The following SDAD1 variants were observed in gnomAD, a reference collection of about 807,000 sequenced individuals.
The protein encoded by SDAD1 is SDA1 domain containing 1.
In SDAD1, 79 loss-of-function variants were observed where a neutral mutation model predicts 100.3. That is an observed-to-expected ratio of 0.79 (90% CI 0.66 to 0.95). The LOEUF (loss-of-function observed/expected upper bound fraction) is 0.95, where lower values mean the gene tolerates loss of function less well. SDAD1 is among the 40% of genes least tolerant of loss of function. The pLI is 0.00. For missense variants in SDAD1, 790 were observed against 810.9 expected (o/e 0.97, Z 0.31); for synonymous variants, 267 against 271.4 (o/e 0.98, Z 0.16).
At chr4:75,958,009 G>T in intron 17 of SDAD1, 68 bp from the exon 18 acceptor site, 1 of 1,253,472 alleles carries the variant, frequency 8.0e-7, no homozygotes, top group South Asian at 1.2e-5. Context: ...TTGAGATGAA[G>T]CAAGCAACAG....
intron 21 of SDAD1, among the ~76,000 whole-genome samples, chr4:75,951,076 C>G (rs562182325): frequency 6.6e-6 from 1 of 151,962 alleles, no homozygotes; most frequent in Admixed American, 6.6e-5. Flanking sequence ...ATTTATTATC[C>G]CTGTCTCCAG....
chr4:75,976,903 T>G (rs1043729539), intron 4 of SDAD1, among the ~76,000 whole-genome samples: 2 of 152,220 alleles, frequency 1.3e-5, no homozygotes, highest in African/African-American at 4.8e-5. Flanking sequence ...TGGTAGTCTC[T>G]TAATACTTTG....
intron 17 of SDAD1, among the ~76,000 whole-genome samples, chr4:75,958,198 G>A (rs573765496): frequency 2.0e-5 from 3 of 152,094 alleles, no homozygotes; most frequent in Non-Finnish European, 4.4e-5. Flanking sequence ...CAAAGAAAAG[G>A]AACAGATGCT....
At chr4:75,985,906 C>A (rs1034847017) in intron 1 of SDAD1, among the ~76,000 whole-genome samples, 2 of 152,154 alleles carry the variant, frequency 1.3e-5, no homozygotes, top group South Asian at 2.1e-4. Context: ...ACCTAAGTAA[C>A]CCCCACGCCA....
intron 3 of SDAD1, among the ~76,000 whole-genome samples, chr4:75,978,978 C>A (rs60118113): frequency 3.6e-5 from 1 of 27,768 alleles, no homozygotes; most frequent in Non-Finnish European, 6.6e-5. Flanking sequence ...CAGACCCTGT[C>A]TCAGAAAAAA....
intron 1 of SDAD1, among the ~76,000 whole-genome samples, chr4:75,983,577 G>A (rs1339864471): frequency 3.3e-5 from 5 of 152,008 alleles, no homozygotes; most frequent in Admixed American, 2.0e-4. Flanking sequence ...TTTGTTGGCC[G>A]CATAAATGTC....
rs535065846 is a variant in SDAD1, at chr4:75,955,093, CTG to C, written c.2016+880_2016+881del. Among the ~76,000 whole-genome samples the C allele has an allele frequency of 4.1e-4, 62 of 152,264 alleles. 1 individual carries two copies. The South Asian group carries it at 0.013, about 31-fold the overall frequency. Reference sequence around the variant, plus strand: ...TTGCTAAACGTAGGTTATGGATAGACTGTGTTTCTGTTTTAAGGCTCTGTTAG... The same window carrying C: ...TTGCTAAACGTAGGTTATGGATAGACTGTTTCTGTTTTAAGGCTCTGTTAG... On this transcript the variant is annotated intron_variant, in intron 21 of 21. Transcript: ENST00000356260.
At chr4:75,964,073 A>G in intron 14 of SDAD1, 62 bp downstream of exon 14, 1 of 1,082,156 alleles carries the variant, frequency 9.2e-7, no homozygotes, top group Non-Finnish European at 1.4e-6. Context: ...CATCTTGGTA[A>G]CTTATAGCAA....
At chr4:75,974,028 G>A in intron 7 of SDAD1, 48 bp downstream of exon 7, 1 of 1,517,564 alleles carries the variant, frequency 6.6e-7, no homozygotes. Flanking sequence ...GCATGCAGAA[G>A]CAGACCATCC....
intron 15 of SDAD1, 40 bp downstream of exon 15, chr4:75,961,171 A>G: frequency 6.2e-7 from 1 of 1,605,256 alleles, no homozygotes; most frequent in Non-Finnish European, 8.5e-7. Flanking sequence ...AAGGAGTCAC[A>G]CTGTACTCTT....
chr4:75,976,416 C>T, intron 4 of SDAD1, among the ~76,000 whole-genome samples: 1 of 152,160 alleles, frequency 6.6e-6, no homozygotes, highest in East Asian at 1.9e-4. Context: ...ATACGTGCTA[C>T]AACATGAATG....
chr4:75,959,486 C>A (rs1729108866), intron 17 of SDAD1, among the ~76,000 whole-genome samples: 1 of 152,072 alleles, frequency 6.6e-6, no homozygotes, highest in Non-Finnish European at 1.5e-5. Context: ...CGCCTGTAAT[C>A]CCAGCTACTC....
At position 75,959,655 on chromosome 4, in the gene SDAD1, C is replaced by A. The variant is rs1457951162; in HGVS notation, c.1483+411G>T. Among the ~76,000 whole-genome samples, 4 of 151,856 alleles carry A rather than the reference C, an allele frequency of 2.6e-5. No individual in the cohort carries two copies. The East Asian group carries it at 7.7e-4, about 29-fold the overall frequency. On this transcript the variant is annotated intron_variant, in intron 17 of 21. Transcript: ENST00000356260. Reference sequence around the variant, plus strand: ...AATGAATGAATGGACAGGAAGAATACACGACTCTGGAAATTAGAATGGAGT... The same window carrying A: ...AATGAATGAATGGACAGGAAGAATAAACGACTCTGGAAATTAGAATGGAGT...
In SDAD1 at chr4:75,969,466, C is replaced by T. The variant is rs570837964; in HGVS notation, c.884-67G>A. On this transcript the variant is annotated intron_variant, in intron 10 of 21. Transcript: ENST00000356260. ...GTCTATGTGACATTTATGTAACAGGCGTAGGAAAAGACAATAGTTAGATCA... is the reference window on the plus strand; with the variant it reads ...GTCTATGTGACATTTATGTAACAGGTGTAGGAAAAGACAATAGTTAGATCA... 75 of 1,054,690 alleles carry T rather than the reference C, an allele frequency of 7.1e-5. No homozygotes were observed. In the African/African-American group the frequency reaches 8.4e-4, roughly 12 times the overall value. The allele number at this position is 1,054,690 out of a possible 1,614,324, so 65.3% of individuals were successfully genotyped here.
rs780409009 is a variant in SDAD1, at chr4:75,957,685, G to C, written c.1602C>G (p.Pro534=). The C allele has an allele frequency of 1.2e-6, 2 of 1,614,180 alleles. No individual in the cohort carries two copies. Among genetic ancestry groups the C allele is most frequent in the East Asian group, 4.5e-5 (2 of 44,888 alleles). ...QEISKKLNSM[P]MEERKAKAAA... ...CAGCTTTGGCCTTCCGCTCCTCCAT[G>C]GGCATGCTGTTCAGCTTCTTGGACT... Residue 534 remains proline, a synonymous_variant, in exon 19 of 22, where the codon CCC becomes CCG. Coordinates refer to ENST00000356260, the MANE Select transcript of SDAD1 (RefSeq NM_018115.4).
In SDAD1 at chr4:75,957,846, C is replaced by T. The variant is rs747730429; in HGVS notation, c.1578+1G>A. 6.2e-6 allele frequency: 10 copies of T among 1,614,004 alleles called. No individual in the cohort carries two copies. The East Asian group carries it at 6.7e-5, about 11-fold the overall frequency. On this transcript the variant is annotated splice_donor_variant, in intron 18 of 21. Transcript: ENST00000356260. LOFTEE classifies it high-confidence loss of function. ...TTATAAGATGAAATTTTCAGACTTA[C>T]GATTTCTTGCTGTTCTTCATCGGAA...
intron 8 of SDAD1, among the ~76,000 whole-genome samples, chr4:75,972,647 TAA>T (rs1729930824): frequency 4.3e-5 from 1 of 23,120 alleles, no homozygotes; most frequent in Admixed American, 8.4e-4. Context: ...TGGGGAAGGA[TAA>T]TTTTTTTTTT....
chr4:75,989,905 A>G lies in SDAD1; in HGVS notation c.90+847T>C, dbSNP rs149060314. Among the ~76,000 whole-genome samples, 69 of 152,350 alleles carry G rather than the reference A, an allele frequency of 4.5e-4. 2 individuals are homozygous for G. In the East Asian group the frequency reaches 0.013, roughly 29 times the overall value. ...GGGAAGTGAGAAGGGCAATGAAAAA[A>G]TAAGTAATTGTGTTAGCCACTGAAC... On this transcript the variant is annotated intron_variant, in intron 1 of 21. Coordinates refer to ENST00000356260, the MANE Select transcript of SDAD1 (RefSeq NM_018115.4).
chr4:75,971,505 A>G (rs1456636181), intron 8 of SDAD1, 47 bp from the exon 9 acceptor site: 2 of 1,374,036 alleles, frequency 1.5e-6, no homozygotes, highest in African/African-American at 2.9e-5. Context: ...GAAAATCTGC[A>G]TAGAATGAAA....
Sources: allele counts gnomAD v4.1 joint callset (sites outside exome capture counted in the v4.1 genomes callset), GRCh38; gene constraint gnomAD v4.1.1; transcripts MANE v1.5; gene names NCBI Gene and HGNC (gene_info 2026-07-23, HGNC 2026-07-21).